The following GBA1 variants were observed in gnomAD, a reference collection of about 807,000 sequenced individuals.
GBA1 encodes the protein glucosylceramidase beta 1, also known as lysosomal acid glucosylceramidase.
chr1:155,236,158 G>A, the GBA1 span: 2 of 1,175,184 alleles, frequency 1.7e-6, no homozygotes, highest in Non-Finnish European at 2.5e-6. Context: ...GGGGAAAGCT[G>A]GACAGGAAGG....
chr1:155,240,477 C>A, the GBA1 span, among the ~76,000 whole-genome samples: 3 of 151,972 alleles, frequency 2.0e-5, no homozygotes, highest in Admixed American at 6.6e-5. Flanking sequence ...AGAAAAAAAA[C>A]AAAATCCTCA....
the GBA1 span, among the ~76,000 whole-genome samples, chr1:155,239,322 G>A: frequency 6.6e-6 from 1 of 152,090 alleles, no homozygotes; most frequent in Admixed American, 6.6e-5. Flanking sequence ...TTGAGGTCAG[G>A]AGTTTAAGAC....
chr1:155,235,815 G>A, the GBA1 span: 6 of 1,614,240 alleles, frequency 3.7e-6, no homozygotes, highest in East Asian at 6.7e-5. Context: ...GGTTCCAGTC[G>A]GTCCAGCCGA....
At chr1:155,236,548 A>AG in the GBA1 span, 1 of 1,207,812 alleles carries the variant, frequency 8.3e-7, no homozygotes, top group Non-Finnish European at 1.2e-6. Flanking sequence ...GGAATCCTGG[A>AG]GTTGGGTGAC....
chr1:155,240,468 G>GA, the GBA1 span, among the ~76,000 whole-genome samples: 3 of 151,248 alleles, frequency 2.0e-5, no homozygotes, highest in Admixed American at 6.6e-5. Context: ...TGTTTCAAAA[G>GA]AAAAAAAACA....
the GBA1 span, chr1:155,236,477 G>A: frequency 6.2e-7 from 1 of 1,608,158 alleles, no homozygotes; most frequent in Admixed American, 1.7e-5. Flanking sequence ...TACCTGCAAA[G>A]GAAGAGCAAC....
the GBA1 span, chr1:155,235,605 T>C: frequency 4.2e-6 from 6 of 1,420,914 alleles, no homozygotes; most frequent in Non-Finnish European, 5.8e-6. Flanking sequence ...TCCCTCGTGG[T>C]GTAGAGTGAT....
At chr1:155,236,128 C>G in the GBA1 span, 6 of 946,498 alleles carry the variant, frequency 6.3e-6, no homozygotes. Context: ...CCCAGAGTTG[C>G]TCAAAAGGGC....
At chr1:155,236,561 G>C in the GBA1 span, 2 of 1,013,670 alleles carry the variant, frequency 2.0e-6, no homozygotes, top group South Asian at 1.3e-5. Flanking sequence ...TGGGTGACGG[G>C]AAGAATGCAA....
chr1:155,235,320 G>A, the GBA1 span: 1 of 1,609,208 alleles, frequency 6.2e-7, no homozygotes, highest in Non-Finnish European at 8.5e-7. Context: ...TGCTGAATGT[G>A]GGAACAGATG....
At chr1:155,242,078 ATCCCAGCTCTCAGCCCATT>A in the GBA1 span, among the ~76,000 whole-genome samples, 1 of 152,206 alleles carries the variant, frequency 6.6e-6, no homozygotes, top group Non-Finnish European at 1.5e-5. Context: ...GACCTGACTA[ATCCCAGCTCTCAGCCCATT>A]TCCTTGCCTG....
the GBA1 span, chr1:155,236,554 G>A: frequency 1.8e-6 from 2 of 1,082,082 alleles, no homozygotes; most frequent in Non-Finnish European, 2.8e-6. Flanking sequence ...CTGGAGTTGG[G>A]TGACGGGAAG....
the GBA1 span, chr1:155,236,584 G>T: frequency 1.2e-6 from 1 of 868,112 alleles, no homozygotes; most frequent in Non-Finnish European, 1.9e-6. Flanking sequence ...AGAGAGGTTT[G>T]GGGAGATTTT....
chr1:155,244,152 C>A, the GBA1 span: 1 of 152,304 alleles, frequency 6.6e-6, no homozygotes, highest in South Asian at 2.1e-4. Flanking sequence ...ATAATCACAG[C>A]TGTTTGGCAG....
the GBA1 span, chr1:155,244,207 G>A: frequency 6.6e-6 from 1 of 152,126 alleles, no homozygotes; most frequent in Non-Finnish European, 1.5e-5. Flanking sequence ...AGACCAGCCT[G>A]ACCAACATGG....
At chr1:155,240,653 A>T in the GBA1 span, 1 of 1,613,742 alleles carries the variant, frequency 6.2e-7, no homozygotes, top group Non-Finnish European at 8.5e-7. Flanking sequence ...CACTGCCTGA[A>T]GTAGAAGCAA....
chr1:155,241,547 A>T, the GBA1 span, among the ~76,000 whole-genome samples: 23 of 147,908 alleles, frequency 1.6e-4, no homozygotes, highest in South Asian at 2.1e-4. Context: ...GATATAATTT[A>T]AAAAAAAAAA....
At chr1:155,235,814 C>T in the GBA1 span, 5 of 1,614,218 alleles carry the variant, frequency 3.1e-6, no homozygotes, top group East Asian at 4.5e-5. Context: ...AGGTTCCAGT[C>T]GGTCCAGCCG....
At chr1:155,239,514 G>T in the GBA1 span, 5 of 1,290,198 alleles carry the variant, frequency 3.9e-6, no homozygotes, top group African/African-American at 5.9e-5. Flanking sequence ...CTCGCCGACA[G>T]AATGGGCAGA....
Sources: allele counts gnomAD v4.1 joint callset (sites outside exome capture counted in the v4.1 genomes callset), GRCh38; gene constraint gnomAD v4.1.1; transcripts MANE v1.5; gene names NCBI Gene and HGNC (gene_info 2026-07-23, HGNC 2026-07-21).